MYCBP2: variants seen among roughly 807,000 people sequenced by gnomAD.
The protein encoded by MYCBP2 is E3 ubiquitin-protein ligase MYCBP2.
In MYCBP2, 120 loss-of-function variants were observed where a neutral mutation model predicts 525.3. The observed-to-expected ratio is 0.23, with a 90% confidence interval of 0.20 to 0.27. The LOEUF (loss-of-function observed/expected upper bound fraction) is 0.27, where lower values mean the gene tolerates loss of function less well. Ranked by LOEUF, MYCBP2 falls within the 10% of genes least tolerant of loss-of-function variation. MYCBP2 has a pLI of 1.00. For missense variants in MYCBP2, 4,149 were observed against 5,657.1 expected, an observed-to-expected ratio of 0.73 and a Z score of 8.55; for synonymous variants, 1,894 against 1,955.8, an observed-to-expected ratio of 0.97 and a Z score of 0.83.
At chr13:77,219,348 G>A (rs2065235023) in intron 20 of MYCBP2, among the ~76,000 whole-genome samples, 1 of 152,002 alleles carries the variant, frequency 6.6e-6, no homozygotes, top group African/African-American at 2.4e-5. Context: ...GCACCACAAT[G>A]CAGCAGATAA....
intron 4 of MYCBP2, among the ~76,000 whole-genome samples, chr13:77,276,733 C>A (rs1239071290): frequency 6.6e-6 from 1 of 150,936 alleles, no homozygotes; most frequent in Non-Finnish European, 1.5e-5. Context: ...GTGGCATGAT[C>A]ACAGCCGACT....
intron 58 of MYCBP2, 55 bp from the exon 59 acceptor site, chr13:77,093,387 C>A: frequency 1.4e-6 from 2 of 1,450,068 alleles, no homozygotes; most frequent in Admixed American, 1.9e-5. Context: ...AGATCCTCTC[C>A]ATTTTTAATC....
Position 77,185,338 on chromosome 13 carries a change from G to A in MYCBP2, c.4484C>T (p.Ala1495Val). The A allele has an allele frequency of 6.2e-7, 1 of 1,613,502 alleles. No individual in the cohort carries two copies. The highest frequency in any genetic ancestry group is 1.3e-5 in the African/African-American group (1 of 75,016). The change falls in exon 32 of 83, where the codon GCA (alanine) becomes GTA (valine). Residue 1495 changes from alanine (A) to valine (V), a missense_variant. Around this residue, in one of 21 missense-constraint regions of MYCBP2, gnomAD observed 292 missense variants for 330.5 expected, o/e 0.88. Coordinates refer to ENST00000544440, the MANE Select transcript of MYCBP2 (RefSeq NM_015057.5). ...KAVVEETSKL[A>V]ECIGKTRTLL... is the part of the protein sequence containing the mutation. The stretch of plus-strand genomic sequence containing the variant: ...AGTTCTGGTTTTTCCAATACACTCT[G>A]CTAATTTGCTAGTTTCTTCTACAAC...
intron 58 of MYCBP2, 78 bp from the exon 59 acceptor site, chr13:77,093,410 G>A: frequency 5.6e-6 from 7 of 1,250,896 alleles, no homozygotes; most frequent in South Asian, 3.0e-5. Context: ...TTTCATAACA[G>A]GAAAAGCAGC....
At position 77,233,191 on chromosome 13, in the gene MYCBP2, G is replaced by A; in HGVS notation, c.2702C>T (p.Pro901Leu). 1 of 1,613,850 alleles carries A rather than the reference G, an allele frequency of 6.2e-7. No individual in the cohort carries two copies. The change falls in exon 18 of 83, where the codon CCA (proline) becomes CTA (leucine). Residue 901 changes from proline to leucine, a missense_variant. Pro to Leu is a moderately conservative substitution (Grantham distance 98). Coordinates refer to ENST00000544440, the MANE Select transcript of MYCBP2 (RefSeq NM_015057.5). ...GTCCCGTTTATGCTTTAGCTGTGCT[G>A]GATGGGATCTGAGTCTGGCTAGAGC... ...EQALARLRSHPAQLKHKRDKH... is the reference protein window; with the variant it reads ...EQALARLRSHLAQLKHKRDKH...
intron 55 of MYCBP2, among the ~76,000 whole-genome samples, chr13:77,100,964 C>T (rs2046978310): frequency 6.6e-6 from 1 of 151,980 alleles, no homozygotes; most frequent in African/African-American, 2.4e-5. Context: ...AATTGCTACC[C>T]ATCTAATCTT....
intron 55 of MYCBP2, 85 bp downstream of exon 55, chr13:77,121,288 G>A: frequency 2.5e-6 from 3 of 1,197,836 alleles, no homozygotes; most frequent in Non-Finnish European, 3.3e-6. Flanking sequence ...ATTTCTGGGT[G>A]AACACAAATA....
intron 32 of MYCBP2, 109 bp from the exon 33 acceptor site, chr13:77,182,031 T>C (rs1045832155): frequency 1.4e-6 from 1 of 708,598 alleles, no homozygotes. Flanking sequence ...ACCAAAATTT[T>C]CTGTCACTCT....
rs528420832 is a variant in MYCBP2 at position 77,169,167 on chromosome 13, G to C, written c.5895+447C>G. Among the ~76,000 whole-genome samples, 70 of 152,314 alleles carry C rather than the reference G, an allele frequency of 4.6e-4. No individual in the cohort carries two copies. In the East Asian group the frequency reaches 0.01, roughly 22 times the overall value. ...CTCACGCCTGTAATCCCAGCACTTT[G>C]GGAGGGCGAGGCGGGCGGATCACGA... On this transcript the variant is annotated intron_variant, in intron 39 of 82. Coordinates refer to ENST00000544440, the MANE Select transcript of MYCBP2 (RefSeq NM_015057.5).
chr13:77,116,836 T>C (rs2049859198), intron 55 of MYCBP2, among the ~76,000 whole-genome samples: 1 of 152,084 alleles, frequency 6.6e-6, no homozygotes, highest in Admixed American at 6.6e-5. Flanking sequence ...TAATTAAATT[T>C]GGTAAAATTA....
intron 26 of MYCBP2, among the ~76,000 whole-genome samples, chr13:77,201,066 C>G (rs1372811234): frequency 1.3e-5 from 2 of 152,058 alleles, no homozygotes; most frequent in African/African-American, 4.8e-5. Flanking sequence ...TGTAAATGGA[C>G]TAAATGCTCC....
chr13:77,081,937 A>T lies in MYCBP2; in HGVS notation c.11093T>A (p.Val3698Asp). The change falls in exon 64 of 83, where the codon GTC becomes GAC. Residue 3698 changes from valine (V) to aspartate (D), a missense_variant. This residue lies in a region of MYCBP2 where 509 missense variants were observed against 789.4 expected (regional missense o/e 0.64). Transcript: ENST00000544440. This position sits in a 1 kb window ranked among gnomAD's most constrained non-coding sequence, Gnocchi z 4.6. The stretch of plus-strand genomic sequence containing the variant: ...CAAAATATTGTTAATGTGATGAAAG[A>T]CGTTGCTCTGATGAAGGAACTGGTG... ...SDHQFLHQSN[V>D]FHHINNILSK... 6.2e-7 allele frequency: 1 copy of T among 1,613,632 alleles called. No homozygotes were observed. The highest frequency in any genetic ancestry group is 8.5e-7 in the Non-Finnish European group (1 of 1,179,732).
chr13:77,121,637 C>A, intron 54 of MYCBP2, 142 bp from the exon 55 acceptor site: 1 of 737,006 alleles, frequency 1.4e-6, no homozygotes, highest in Non-Finnish European at 1.9e-6. Context: ...ATTTAAATAC[C>A]AGTCAGGTCA....
At chr13:77,087,394 G>A (rs1031054179) in intron 62 of MYCBP2, 90 bp downstream of exon 62, 29 of 1,123,554 alleles carry the variant, frequency 2.6e-5, no homozygotes, top group Middle Eastern at 2.8e-4. Context: ...TTAGATCTGC[G>A]AATGATTTCA....
intron 26 of MYCBP2, among the ~76,000 whole-genome samples, chr13:77,201,582 G>A (rs1032906880): frequency 6.6e-6 from 1 of 151,174 alleles, no homozygotes; most frequent in Admixed American, 6.6e-5. Context: ...CAAATCAACA[G>A]AATATACATT....
intron 26 of MYCBP2, among the ~76,000 whole-genome samples, chr13:77,203,063 G>A (rs1023820639): frequency 6.6e-6 from 1 of 151,416 alleles, no homozygotes; most frequent in African/African-American, 2.4e-5. Flanking sequence ...GGCAGGAGAA[G>A]GAAATAAAGG....
intron 15 of MYCBP2, among the ~76,000 whole-genome samples, chr13:77,249,031 AT>A (rs1439543159): frequency 1.3e-5 from 2 of 152,244 alleles, no homozygotes; most frequent in African/African-American, 2.4e-5. Flanking sequence ...AAATACTCTG[AT>A]TCTCTTTATA....
chr13:77,150,670 GA>G (rs1421744445), intron 47 of MYCBP2, 63 bp downstream of exon 47: 4 of 1,363,264 alleles, frequency 2.9e-6, no homozygotes, highest in Admixed American at 1.8e-5. Flanking sequence ...CTGAATCACT[GA>G]AATGTTGGTT....
intron 1 of MYCBP2, among the ~76,000 whole-genome samples, chr13:77,317,661 G>A (rs144373860): frequency 4.5e-4 from 69 of 152,222 alleles, no homozygotes; most frequent in African/African-American, 1.5e-3. Flanking sequence ...GGTCCCGGCC[G>A]GGCGCGGTGG....
Sources: allele counts gnomAD v4.1 joint callset (sites outside exome capture counted in the v4.1 genomes callset), GRCh38; gene constraint gnomAD v4.1.1; regional missense constraint gnomAD v4.1.1; non-coding constraint Gnocchi (gnomAD v3.1); transcripts MANE v1.5; gene names NCBI Gene and HGNC (gene_info 2026-07-23, HGNC 2026-07-21).